The following DNAH11 variants were observed in gnomAD, a reference collection of about 807,000 sequenced individuals.
DNAH11 encodes axonemal beta dynein heavy chain 11.
DNAH11 carries 442 observed loss-of-function variants against 526.0 expected under a neutral mutation model. The observed-to-expected ratio is 0.84, with a 90% CI of 0.78 to 0.91. DNAH11 has a LOEUF of 0.91. Among genes scored for constraint, DNAH11 ranks in the 40% least tolerant of loss-of-function variants. DNAH11 has a pLI of 0.00. For missense variants in DNAH11, 6,989 were observed against 5,448.7 expected, an observed-to-expected ratio of 1.28 and a Z score of -8.90; for synonymous variants, 2,461 against 1,935.9, an observed-to-expected ratio of 1.27 and a Z score of -7.12.
At chr7:21,588,350 T>G in intron 10 of DNAH11, 149 bp downstream of exon 10, 1 of 1,327,426 alleles carries the variant, frequency 7.5e-7, no homozygotes, top group African/African-American at 1.5e-5. Flanking sequence ...ATGGAGATGG[T>G]AAACTTGCTT....
intron 76 of DNAH11, among the ~76,000 whole-genome samples, chr7:21,890,402 C>T (rs1784289537): frequency 6.6e-6 from 1 of 152,224 alleles, no homozygotes; most frequent in Non-Finnish European, 1.5e-5. Flanking sequence ...CGCATTCAAA[C>T]AAATGTCCCC....
rs746463013 is a variant in DNAH11 at position 21,744,966 on chromosome 7, G to A, written c.8413G>A (p.Glu2805Lys). The change falls in exon 51 of 82, where the codon GAA becomes AAA. Residue 2805 changes from glutamate (E) to lysine (K), a missense_variant. By Grantham distance (56) the Glu-to-Lys change is moderately conservative (BLOSUM62 1). Transcript: ENST00000409508. ...DPHYMPVKDW[E>K]VLKTILTETL... ...ACATTACATGCCAGTGAAGGACTGG[G>A]AAGTGCTGAAGACGATTCTTACAGA... The A allele has an allele frequency of 3.1e-6, 5 of 1,610,320 alleles. No homozygotes were observed. The highest frequency in any genetic ancestry group is 4.2e-6 in the Non-Finnish European group (5 of 1,178,270).
intron 40 of DNAH11, among the ~76,000 whole-genome samples, chr7:21,710,246 A>C (rs1375739663): frequency 1.3e-5 from 2 of 152,184 alleles, no homozygotes; most frequent in African/African-American, 4.8e-5. Flanking sequence ...GTAAGTTTTG[A>C]GTTTTAGGTA....
At chr7:21,661,859 A>T (rs1269130408) in intron 30 of DNAH11, among the ~76,000 whole-genome samples, 3 of 152,028 alleles carry the variant, frequency 2.0e-5, no homozygotes, top group Admixed American at 6.6e-5. Flanking sequence ...CGCTCCTGTC[A>T]TCCAGTCTGG....
chr7:21,710,770 T>A, intron 41 of DNAH11, 67 bp downstream of exon 41: 1 of 1,467,968 alleles, frequency 6.8e-7, no homozygotes. Context: ...TCGATTCACT[T>A]GTCGATGTTA....
At chr7:21,723,409 T>G (rs559884956) in intron 44 of DNAH11, among the ~76,000 whole-genome samples, 68 of 152,322 alleles carry the variant, frequency 4.5e-4, no homozygotes, top group African/African-American at 1.6e-3. Context: ...CTTCAGCCAT[T>G]GCAGCCAACC....
chr7:21,664,717 T>A (rs1231153912), intron 30 of DNAH11, among the ~76,000 whole-genome samples: 1 of 152,084 alleles, frequency 6.6e-6, no homozygotes, highest in East Asian at 1.9e-4. Context: ...CACTCCAGTC[T>A]CTCAAAGTGC....
intron 50 of DNAH11, 98 bp downstream of exon 50, chr7:21,744,697 T>C (rs564774652): frequency 2.0e-6 from 3 of 1,496,742 alleles, no homozygotes; most frequent in South Asian, 2.5e-5. Context: ...CACAAGGGCT[T>C]ACCTTTTTGC....
chr7:21,750,759 G>C (rs1479388679), intron 54 of DNAH11, among the ~76,000 whole-genome samples: 1 of 152,164 alleles, frequency 6.6e-6, no homozygotes, highest in East Asian at 1.9e-4. Context: ...CACGTGTTTA[G>C]CATGGAGAAG....
At chr7:21,695,435 T>A (rs1200789656) in intron 35 of DNAH11, among the ~76,000 whole-genome samples, 1 of 152,048 alleles carries the variant, frequency 6.6e-6, no homozygotes, top group Non-Finnish European at 1.5e-5. Context: ...TCAGAAATAA[T>A]GCCACACATC....
intron 65 of DNAH11, among the ~76,000 whole-genome samples, chr7:21,828,502 C>T (rs941431371): frequency 2.0e-5 from 3 of 152,078 alleles, no homozygotes; most frequent in Non-Finnish European, 2.9e-5. Context: ...ATAAAGCATT[C>T]TCACATTCAG....
rs557866289 is a variant in DNAH11 at position 21,665,300 on chromosome 7, G to T, written c.5328+6269G>T. On this transcript the variant is annotated intron_variant, in intron 30 of 81. Coordinates refer to ENST00000409508, the MANE Select transcript of DNAH11 (RefSeq NM_001277115.2). ...ATATTGCAAGACCACCTATTATTAT[G>T]ATGATTATTGTTGGTAATACTGGCT... Among the ~76,000 whole-genome samples the T allele has an allele frequency of 5.9e-5, 9 of 152,186 alleles. No homozygotes were observed. The South Asian group carries it at 1.4e-3, about 25-fold the overall frequency.
At chr7:21,701,926 A>G (rs1784078667) in intron 36 of DNAH11, among the ~76,000 whole-genome samples, 1 of 150,656 alleles carries the variant, frequency 6.6e-6, no homozygotes, top group Non-Finnish European at 1.5e-5. Flanking sequence ...TTGTAGCTGG[A>G]CGGTGAAAGA....
At chr7:21,830,475 C>G (rs139155150) in intron 65 of DNAH11, among the ~76,000 whole-genome samples, 21 of 152,294 alleles carry the variant, frequency 1.4e-4, no homozygotes, top group African/African-American at 2.2e-4. Flanking sequence ...CTGAGTCGAT[C>G]ATATTCTCTC....
intron 81 of DNAH11, among the ~76,000 whole-genome samples, chr7:21,900,565 A>C: frequency 6.6e-6 from 1 of 152,140 alleles, no homozygotes; most frequent in East Asian, 1.9e-4. Flanking sequence ...ATATTTTCCA[A>C]ATTTATCTGG....
intron 64 of DNAH11, among the ~76,000 whole-genome samples, chr7:21,817,462 C>T (rs1789845952): frequency 1.4e-5 from 2 of 144,176 alleles, no homozygotes; most frequent in South Asian, 4.3e-4. Context: ...AGGAGGATTG[C>T]TTGGAGCCAG....
In DNAH11 at chr7:21,707,822, T is replaced by A. The variant is rs557134736; in HGVS notation, c.6670T>A (p.Trp2224Arg). ...FGFIHHATRE[W>R]KDGKIVYSYF... ...TTTCATACATCATGCTACCCGAGAA[T>A]GGAAAGATGGCAAGTAGTATTTCCC... The change falls in exon 40 of 82, where the codon TGG becomes AGG. Residue 2224 changes from tryptophan (W) to arginine (R), a missense_variant. Trp to Arg is a moderately radical substitution (Grantham distance 101). Coordinates refer to ENST00000409508, the MANE Select transcript of DNAH11 (RefSeq NM_001277115.2). The A allele has an allele frequency of 1.3e-6, 2 of 1,596,480 alleles. No homozygotes were observed. Among genetic ancestry groups the A allele is most frequent in the East Asian group, 4.5e-5 (2 of 44,626 alleles).
At chr7:21,806,307 G>C (rs926713113) in intron 62 of DNAH11, among the ~76,000 whole-genome samples, 1 of 152,198 alleles carries the variant, frequency 6.6e-6, no homozygotes, top group Non-Finnish European at 1.5e-5. Flanking sequence ...AAACAACAAA[G>C]ATAGAGGGTA....
At chr7:21,856,061 A>T (rs1432751014) in intron 68 of DNAH11, among the ~76,000 whole-genome samples, 1 of 152,166 alleles carries the variant, frequency 6.6e-6, no homozygotes, top group African/African-American at 2.4e-5. Context: ...CAGGGATTCC[A>T]GGTAGTGAGT....
Sources: gnomAD v4.1 joint callset for allele counts (sites outside exome capture counted in the v4.1 genomes callset) on GRCh38, gnomAD v4.1.1 for gene constraint, MANE v1.5 for transcripts, NCBI Gene and HGNC (gene_info 2026-07-23, HGNC 2026-07-21) for gene names.